The following ASH1L variants were observed in gnomAD, a reference collection of about 807,000 sequenced individuals.
The protein encoded by ASH1L is histone-lysine N-methyltransferase ASH1L.
Under a neutral mutation model 269.0 loss-of-function variants are expected in ASH1L, and 23 were observed. The observed-to-expected ratio is 0.09, with a 90% CI of 0.06 to 0.12. The LOEUF (loss-of-function observed/expected upper bound fraction) is 0.12. Ranked by LOEUF, ASH1L falls within the 10% of genes least tolerant of loss-of-function variation. The pLI, the probability that ASH1L is intolerant of heterozygous loss-of-function variation, is 1.00. For missense variants in ASH1L, 2,912 were observed against 3,567.8 expected, an observed-to-expected ratio of 0.82 and a Z score of 4.68; for synonymous variants, 1,187 against 1,253.5, an observed-to-expected ratio of 0.95 and a Z score of 1.12.
At position 155,556,401 on chromosome 1, in the gene ASH1L, C is replaced by CGTGT. The variant is rs71080711; in HGVS notation, c.-100+5748_-100+5751dup. 3.7e-3 allele frequency among the ~76,000 whole-genome samples: 514 copies of CGTGT among 140,558 alleles called. 4 individuals are homozygous for CGTGT. Among genetic ancestry groups the CGTGT allele is most frequent in the African/African-American group, 0.011 (404 of 37,782 alleles). The allele number at this position is 140,558 out of a possible 152,430, so 92.2% of individuals were successfully genotyped here. On this transcript the variant is annotated intron_variant, in intron 1 of 27. Coordinates refer to ENST00000392403, the MANE Select transcript of ASH1L (RefSeq NM_018489.3). ...ATAAATATAAATATACATATATATA[C>CGTGT]GTGTGTGTGTGTGTGTGTGTGTGTG... is the stretch of plus-strand genomic sequence containing the variant.
intron 2 of ASH1L, among the ~76,000 whole-genome samples, chr1:155,502,905 A>T (rs973840948): frequency 1.3e-5 from 2 of 152,218 alleles, no homozygotes; most frequent in African/African-American, 2.4e-5. Context: ...AGAGTTACCA[A>T]GTATGCTTAG....
chr1:155,459,762 T>G (rs1222558584), intron 4 of ASH1L, 35 bp downstream of exon 4: 2 of 1,526,496 alleles, frequency 1.3e-6, no homozygotes, highest in South Asian at 2.3e-5. Context: ...AATGGGAAAC[T>G]ATCTTGAAAA....
chr1:155,350,944 G>GA (rs1334081311), intron 17 of ASH1L, among the ~76,000 whole-genome samples: 56 of 130,110 alleles, frequency 4.3e-4, no homozygotes, highest in Non-Finnish European at 5.9e-4. Context: ...AAAAGAAAAA[G>GA]AAAAAAAAAA....
chr1:155,531,570 T>A (rs2148867889), intron 1 of ASH1L, among the ~76,000 whole-genome samples: 1 of 152,160 alleles, frequency 6.6e-6, no homozygotes, highest in Non-Finnish European at 1.5e-5. Context: ...TAAAACTTAA[T>A]CCAAGTGACA....
intron 3 of ASH1L, among the ~76,000 whole-genome samples, chr1:155,462,460 TAA>T (rs1664379316): frequency 6.6e-6 from 1 of 152,120 alleles, no homozygotes; most frequent in Non-Finnish European, 1.5e-5. Context: ...CACCTCAGGG[TAA>T]AAAGAGGGTA....
rs773621503 is a variant in ASH1L, at chr1:155,562,298, G to C, written c.-245C>G. 32 of 1,596,918 alleles carry C rather than the reference G, an allele frequency of 2.0e-5. No homozygotes were observed. Among genetic ancestry groups the C allele is most frequent in the Non-Finnish European group, 2.7e-5 (32 of 1,165,366 alleles). The stretch of plus-strand genomic sequence containing the variant: ...GAGGCGGCCAGCGGGTAAGCTGACT[G>C]GCGGAAATGCGAGAGAGGAGAAGGG... On this transcript the variant is annotated 5_prime_UTR_variant, in exon 1 of 28. Transcript: ENST00000392403.
At chr1:155,543,590 C>G (rs1222091416) in intron 1 of ASH1L, among the ~76,000 whole-genome samples, 1 of 149,158 alleles carries the variant, frequency 6.7e-6, no homozygotes, top group African/African-American at 2.5e-5. Flanking sequence ...GTTGACATAA[C>G]TGGATATCCG....
intron 2 of ASH1L, among the ~76,000 whole-genome samples, chr1:155,510,625 T>C (rs188432408): frequency 3.3e-5 from 5 of 152,270 alleles, no homozygotes; most frequent in Admixed American, 6.5e-5. Context: ...TGCAAATATG[T>C]TTCTGGAAGA....
At chr1:155,416,703 T>C (rs1660237720) in intron 5 of ASH1L, among the ~76,000 whole-genome samples, 1 of 151,200 alleles carries the variant, frequency 6.6e-6, no homozygotes, top group Non-Finnish European at 1.5e-5. Context: ...ATCTGGATAA[T>C]TTTTGTATTT....
chr1:155,531,355 C>T (rs1289210456), intron 1 of ASH1L, among the ~76,000 whole-genome samples: 1 of 151,966 alleles, frequency 6.6e-6, no homozygotes, highest in African/African-American at 2.4e-5. Context: ...CAGCATTTTT[C>T]CAAAGAATTC....
chr1:155,425,737 C>G (rs1228352564), intron 5 of ASH1L, among the ~76,000 whole-genome samples: 2 of 151,788 alleles, frequency 1.3e-5, no homozygotes, highest in East Asian at 3.9e-4. Context: ...CCCGGCCAAG[C>G]AGGGCTAATT....
intron 4 of ASH1L, among the ~76,000 whole-genome samples, chr1:155,454,856 G>A (rs571096898): frequency 1.3e-5 from 2 of 152,214 alleles, no homozygotes; most frequent in South Asian, 4.2e-4. Flanking sequence ...CTTAACATAA[G>A]TTCCTTGGTA....
At chr1:155,506,002 C>T (rs942020021) in intron 2 of ASH1L, among the ~76,000 whole-genome samples, 3 of 151,618 alleles carry the variant, frequency 2.0e-5, no homozygotes, top group Admixed American at 6.6e-5. Flanking sequence ...CCCCACCCCA[C>T]GACAGGCCCC....
In ASH1L at chr1:155,357,685, T is replaced by C; in HGVS notation, c.6860A>G (p.Asn2287Ser). 1 of 1,614,166 alleles carries C rather than the reference T, an allele frequency of 6.2e-7. No homozygotes were observed. The highest frequency in any genetic ancestry group is 1.3e-5 in the African/African-American group (1 of 75,046). The change falls in exon 14 of 28, where the codon AAT (asparagine) becomes AGT (serine). Residue 2287 changes from asparagine (N) to serine (S), a missense_variant. Physicochemically the swap from Asn to Ser is conservative, Grantham distance 46. Transcript: ENST00000392403. Reference protein sequence around the residue: ...GIIGGKSQRVNGLTSSKNSQP... With the variant: ...GIIGGKSQRVSGLTSSKNSQP... ...GCTGTTTTTGCTGCTGGTGAGTCCA[T>C]TCACACGCTGACTCTTGCCTCCGAT...
chr1:155,424,091 C>G (rs568391036), intron 5 of ASH1L, among the ~76,000 whole-genome samples: 1 of 152,300 alleles, frequency 6.6e-6, no homozygotes, highest in Admixed American at 6.5e-5. Flanking sequence ...TCAAGCAGTT[C>G]AACTTTTTGT....
At chr1:155,379,912 A>G in intron 8 of ASH1L, 131 bp downstream of exon 8, 1 of 635,838 alleles carries the variant, frequency 1.6e-6, no homozygotes, top group Non-Finnish European at 2.8e-6. Flanking sequence ...TCTTAGTCCT[A>G]ACCTTCACAG....
At chr1:155,461,434 C>A (rs908324439) in intron 3 of ASH1L, among the ~76,000 whole-genome samples, 5 of 152,058 alleles carry the variant, frequency 3.3e-5, no homozygotes, top group African/African-American at 1.2e-4. Flanking sequence ...TTCTGAAACA[C>A]AATGATGACT....
chr1:155,439,170 G>C, intron 4 of ASH1L, 102 bp from the exon 5 acceptor site: 2 of 1,235,160 alleles, frequency 1.6e-6, no homozygotes, highest in East Asian at 2.4e-5. Flanking sequence ...ATTTTCCATA[G>C]CAAGATTACA....
chr1:155,562,723 C>A lies in ASH1L; in HGVS notation c.-670G>T. 1 of 1,370,764 alleles carries A rather than the reference C, an allele frequency of 7.3e-7. No individual in the cohort carries two copies. Among genetic ancestry groups the A allele is most frequent in the Non-Finnish European group, 1.0e-6 (1 of 1,001,688 alleles). The allele number at this position is 1,370,764 out of a possible 1,614,324, so 84.9% of individuals were successfully genotyped here. ...CCCACAGGAACCCCCTCGTCCAGTC[C>A]CTCACTACCCCTCAGGCCCTGTCAA... On this transcript the variant is annotated 5_prime_UTR_variant, in exon 1 of 28. Transcript: ENST00000392403.
Sources: gnomAD v4.1 joint callset for allele counts (sites outside exome capture counted in the v4.1 genomes callset) on GRCh38, gnomAD v4.1.1 for gene constraint, MANE v1.5 for transcripts, NCBI Gene and HGNC (gene_info 2026-07-23, HGNC 2026-07-21) for gene names.